The following FOXP1 variants were observed in gnomAD, a reference collection of about 807,000 sequenced individuals.
The protein encoded by FOXP1 is forkhead box P1.
FOXP1 carries 15 observed loss-of-function variants against 98.2 expected under a neutral mutation model. The observed-to-expected ratio is 0.15, with a 90% CI of 0.10 to 0.24. The LOEUF is 0.24. FOXP1 is among the 10% of genes least tolerant of loss of function. The pLI, the probability that FOXP1 is intolerant of heterozygous loss-of-function variation, is 1.00. For synonymous variants in FOXP1, 371 were observed against 314.5 expected (o/e 1.18, Z -1.90); for missense variants, 633 against 848.5 (o/e 0.75, Z 3.15).
intron 2 of FOXP1, among the ~76,000 whole-genome samples, chr3:71,518,917 C>T (rs543997646): frequency 1.8e-4 from 28 of 152,246 alleles, no homozygotes; most frequent in Admixed American, 2.0e-4. Flanking sequence ...GCAAGGCTCC[C>T]GAATAGATGA....
At chr3:71,168,301 G>GAA (rs58976105) in intron 6 of FOXP1, among the ~76,000 whole-genome samples, 20 of 147,768 alleles carry the variant, frequency 1.4e-4, no homozygotes, top group East Asian at 3.9e-4. Flanking sequence ...GAGTTTAAAA[G>GAA]AAAAAAAAAA....
intron 2 of FOXP1, among the ~76,000 whole-genome samples, chr3:71,532,613 C>A (rs1188313229): frequency 6.6e-6 from 1 of 152,178 alleles, no homozygotes; most frequent in Non-Finnish European, 1.5e-5. Flanking sequence ...TTAAAACTCA[C>A]AGTGTTGGCA....
chr3:71,140,637 C>T (rs1240974555), intron 6 of FOXP1, among the ~76,000 whole-genome samples: 3 of 152,168 alleles, frequency 2.0e-5, no homozygotes, highest in African/African-American at 7.2e-5. Context: ...AATTATCATG[C>T]CTATTTTACA....
chr3:71,021,988 G>A (rs1193019455), intron 11 of FOXP1, among the ~76,000 whole-genome samples: 3 of 151,916 alleles, frequency 2.0e-5, no homozygotes, highest in African/African-American at 7.3e-5. Context: ...TTTTTCTTTG[G>A]CTCCTTCTGT....
intron 7 of FOXP1, among the ~76,000 whole-genome samples, chr3:71,067,533 A>C (rs1458573980): frequency 6.6e-6 from 1 of 152,146 alleles, no homozygotes; most frequent in African/African-American, 2.4e-5. Context: ...TCATAATCTG[A>C]ACACAAATTC....
chr3:71,009,800 G>A (rs553860575), intron 12 of FOXP1, among the ~76,000 whole-genome samples: 1 of 152,038 alleles, frequency 6.6e-6, no homozygotes, highest in African/African-American at 2.4e-5. Context: ...CTAGGCTACA[G>A]TACAGTGGCA....
chr3:71,550,249 T>C (rs554031799), intron 2 of FOXP1, among the ~76,000 whole-genome samples: 2 of 152,282 alleles, frequency 1.3e-5, no homozygotes, highest in African/African-American at 2.4e-5. Context: ...AAAACGATTA[T>C]AAATCACATA....
chr3:71,461,519 G>A (rs1010053921), intron 3 of FOXP1, among the ~76,000 whole-genome samples: 1 of 152,034 alleles, frequency 6.6e-6, no homozygotes, highest in Non-Finnish European at 1.5e-5. Context: ...AGAAAAACAA[G>A]AGGCCGGGCG....
intron 12 of FOXP1, among the ~76,000 whole-genome samples, chr3:71,001,398 C>T (rs1178444414): frequency 1.3e-5 from 2 of 152,156 alleles, no homozygotes; most frequent in African/African-American, 2.4e-5. Context: ...CTAGGTATTT[C>T]GGAAGAGTCT....
chr3:71,280,936 G>A (rs1273421237), intron 5 of FOXP1, among the ~76,000 whole-genome samples: 1 of 150,424 alleles, frequency 6.6e-6, no homozygotes, highest in Non-Finnish European at 1.5e-5. Context: ...AGAGAAAACA[G>A]CTTGTTAGGT....
At chr3:71,481,126 C>T (rs1450004030) in intron 3 of FOXP1, among the ~76,000 whole-genome samples, 2 of 152,148 alleles carry the variant, frequency 1.3e-5, no homozygotes, top group Non-Finnish European at 2.9e-5. Flanking sequence ...CTGTAATGAT[C>T]ACAAACCAAA....
intron 3 of FOXP1, among the ~76,000 whole-genome samples, chr3:71,373,358 C>T (rs757765797): frequency 3.9e-5 from 6 of 152,004 alleles, no homozygotes; most frequent in African/African-American, 7.2e-5. Flanking sequence ...AATTTTAACA[C>T]AACTTGTCAT....
chr3:71,276,444 A>G (rs927332557), intron 5 of FOXP1: 1 of 152,050 alleles, frequency 6.6e-6, no homozygotes, highest in African/African-American at 2.4e-5. Flanking sequence ...CCAACTCCAC[A>G]TTAGGGCTCT....
intron 2 of FOXP1, among the ~76,000 whole-genome samples, chr3:71,537,373 G>C (rs1160670847): frequency 6.6e-6 from 1 of 152,222 alleles, no homozygotes; most frequent in Non-Finnish European, 1.5e-5. Flanking sequence ...CCCCAGCTCA[G>C]TGTGGGTATT....
In FOXP1 at chr3:71,411,319, ATG is replaced by A. The variant is rs2082723679; in HGVS notation, c.-167-52077_-167-52076del. ...TGTGTGTGTGTGTGTGTGTGTGTGT[ATG>A]TGTGTGTGTGAGTGACGGAGTCTTG... On this transcript the variant is annotated intron_variant, in intron 3 of 20. Transcript: ENST00000649528. Among the ~76,000 whole-genome samples the A allele has an allele frequency of 1.1e-4, 8 of 74,222 alleles. No individual in the cohort carries two copies. The South Asian group carries it at 2.2e-3, about 20-fold the overall frequency. The allele number at this position is 74,222 out of a possible 152,430, so 48.7% of individuals were successfully genotyped here.
At chr3:71,338,381 G>A (rs917354613) in intron 4 of FOXP1, among the ~76,000 whole-genome samples, 1 of 152,202 alleles carries the variant, frequency 6.6e-6, no homozygotes, top group Non-Finnish European at 1.5e-5. Flanking sequence ...AAAAAGGATG[G>A]AGAAACAAAA....
intron 6 of FOXP1, among the ~76,000 whole-genome samples, chr3:71,195,028 C>T (rs570821529): frequency 3.3e-5 from 5 of 152,138 alleles, no homozygotes; most frequent in East Asian, 1.9e-4. Context: ...CTGGTGGGAA[C>T]GAGAGCAGGC....
intron 12 of FOXP1, among the ~76,000 whole-genome samples, chr3:71,001,509 G>C (rs572249374): frequency 6.6e-6 from 1 of 152,212 alleles, no homozygotes; most frequent in South Asian, 2.1e-4. Flanking sequence ...GTGAATGTCA[G>C]AAATGGCAAA....
intron 7 of FOXP1, chr3:71,065,045 G>GCCGCGCCCCACACAATGGGCT (rs1553719972): frequency 1.5e-5 from 2 of 135,640 alleles, no homozygotes; most frequent in Admixed American, 7.3e-5. Flanking sequence ...GCCGCGCCGC[G>GCCGCGCCCCACACAATGGGCT]CCGCGCCCCA....
Sources: gnomAD v4.1 joint callset for allele counts (sites outside exome capture counted in the v4.1 genomes callset) on GRCh38, gnomAD v4.1.1 for gene constraint, MANE v1.5 for transcripts, NCBI Gene and HGNC (gene_info 2026-07-23, HGNC 2026-07-21) for gene names.